POFUT3: variants seen among roughly 807,000 people sequenced by gnomAD.
POFUT3 encodes GDP-fucose protein O-fucosyltransferase 3.
the POFUT3 span, among the ~76,000 whole-genome samples, chr8:33,424,965 G>C: frequency 6.6e-6 from 1 of 152,266 alleles, no homozygotes; most frequent in Non-Finnish European, 1.5e-5. Context: ...TTGTTCTCAT[G>C]GAACTTACAG....
the POFUT3 span, among the ~76,000 whole-genome samples, chr8:33,450,146 G>A: frequency 6.6e-6 from 1 of 151,858 alleles, no homozygotes; most frequent in Admixed American, 6.6e-5. Context: ...TCACCATGTT[G>A]GCCAGGCTGG....
chr8:33,432,941 T>A, the POFUT3 span, among the ~76,000 whole-genome samples: 1 of 152,034 alleles, frequency 6.6e-6, no homozygotes, highest in African/African-American at 2.4e-5. Context: ...GTACTTAAAA[T>A]CATTCATTGA....
At chr8:33,461,809 C>T in the POFUT3 span, 4 of 464,048 alleles carry the variant, frequency 8.6e-6, no homozygotes, top group East Asian at 1.3e-4. Flanking sequence ...AAAACATAGA[C>T]ATTTTAAACT....
chr8:33,417,560 C>T, the POFUT3 span, among the ~76,000 whole-genome samples: 1 of 151,838 alleles, frequency 6.6e-6, no homozygotes, highest in Non-Finnish European at 1.5e-5. Flanking sequence ...GGGACTCCAT[C>T]GTAAAGCAGC....
At chr8:33,359,827 G>A in the POFUT3 span, among the ~76,000 whole-genome samples, 15 of 151,968 alleles carry the variant, frequency 9.9e-5, no homozygotes, top group Non-Finnish European at 1.5e-4. Flanking sequence ...CCAACATGGT[G>A]AAACCCCATC....
the POFUT3 span, among the ~76,000 whole-genome samples, chr8:33,455,147 T>C: frequency 6.6e-6 from 1 of 152,174 alleles, no homozygotes; most frequent in Non-Finnish European, 1.5e-5. Flanking sequence ...AGTGAAATAA[T>C]ACCTAATGTC....
At chr8:33,371,528 C>T in the POFUT3 span, 1 of 152,196 alleles carries the variant, frequency 6.6e-6, no homozygotes, top group African/African-American at 2.4e-5. Flanking sequence ...GAAATCATGA[C>T]ACAACAGTGG....
At chr8:33,338,536 T>A in the POFUT3 span, among the ~76,000 whole-genome samples, 1 of 152,114 alleles carries the variant, frequency 6.6e-6, no homozygotes, top group African/African-American at 2.4e-5. Flanking sequence ...GACTTCCACT[T>A]CTATAGGCAA....
At chr8:33,393,533 C>T in the POFUT3 span, among the ~76,000 whole-genome samples, 1 of 152,228 alleles carries the variant, frequency 6.6e-6, no homozygotes, top group African/African-American at 2.4e-5. Flanking sequence ...CTTTATGGGA[C>T]ATGTTTATAT....
At chr8:33,418,010 T>C in the POFUT3 span, among the ~76,000 whole-genome samples, 2 of 152,152 alleles carry the variant, frequency 1.3e-5, no homozygotes, top group South Asian at 4.1e-4. Context: ...GGAGACTGTA[T>C]GACCACACTG....
chr8:33,400,367 C>A, the POFUT3 span, among the ~76,000 whole-genome samples: 2 of 152,052 alleles, frequency 1.3e-5, no homozygotes, highest in Admixed American at 1.3e-4. Flanking sequence ...GCACAAGAAT[C>A]ACTTGAACCC....
chr8:33,435,077 C>T, the POFUT3 span, among the ~76,000 whole-genome samples: 1 of 152,172 alleles, frequency 6.6e-6, no homozygotes, highest in Non-Finnish European at 1.5e-5. Flanking sequence ...CTTATTCATT[C>T]CTCCCCATCC....
the POFUT3 span, among the ~76,000 whole-genome samples, chr8:33,349,492 C>T: frequency 1.4e-4 from 22 of 152,234 alleles, no homozygotes; most frequent in African/African-American, 5.3e-4. Context: ...GCCTTTGCAT[C>T]CTCATAGCTT....
the POFUT3 span, among the ~76,000 whole-genome samples, chr8:33,467,777 T>A: frequency 6.6e-6 from 1 of 152,226 alleles, no homozygotes; most frequent in Non-Finnish European, 1.5e-5. Context: ...GGACTGAATA[T>A]CTTACAGGTA....
At chr8:33,354,872 C>T in the POFUT3 span, among the ~76,000 whole-genome samples, 6 of 152,146 alleles carry the variant, frequency 3.9e-5, no homozygotes, top group Non-Finnish European at 7.3e-5. Flanking sequence ...TGACATCATA[C>T]GCTATTTTTC....
the POFUT3 span, among the ~76,000 whole-genome samples, chr8:33,380,165 A>ATATATATATAC: frequency 1.3e-4 from 6 of 47,552 alleles, no homozygotes; most frequent in Non-Finnish European, 2.0e-4. Context: ...TATATATACT[A>ATATATATATAC]TATATATATA....
chr8:33,383,135 T>A, the POFUT3 span, among the ~76,000 whole-genome samples: 1,330 of 152,146 alleles, frequency 8.7e-3, 18 homozygotes, highest in Non-Finnish European at 0.015. Flanking sequence ...AACCAATCAC[T>A]CCCACTTAAC....
the POFUT3 span, among the ~76,000 whole-genome samples, chr8:33,418,831 G>A: frequency 6.6e-6 from 1 of 152,126 alleles, no homozygotes; most frequent in Non-Finnish European, 1.5e-5. Flanking sequence ...CAATCTAAGT[G>A]TCCAATGGAT....
chr8:33,410,175 G>A, the POFUT3 span, among the ~76,000 whole-genome samples: 14 of 152,158 alleles, frequency 9.2e-5, no homozygotes, highest in Non-Finnish European at 1.9e-4. Flanking sequence ...TAGATCCTAG[G>A]GAATAGGCTC....
Sources: allele counts gnomAD v4.1 joint callset (sites outside exome capture counted in the v4.1 genomes callset), GRCh38; gene constraint gnomAD v4.1.1; transcripts MANE v1.5; gene names NCBI Gene and HGNC (gene_info 2026-07-23, HGNC 2026-07-21).